The following MAP4K4 variants were observed in gnomAD, a reference collection of about 807,000 sequenced individuals.
MAP4K4 encodes mitogen-activated protein kinase kinase kinase kinase 4.
A neutral mutation model predicts 189.6 loss-of-function variants in MAP4K4; 38 were observed. The observed-to-expected ratio is 0.20, with a 90% confidence interval of 0.15 to 0.26. The LOEUF (loss-of-function observed/expected upper bound fraction) is 0.26, where lower values mean the gene tolerates loss of function less well. MAP4K4 is among the 10% of genes least tolerant of loss of function. The pLI is 1.00. For synonymous variants in MAP4K4, 610 were observed against 624.3 expected (o/e 0.98, Z 0.34); for missense variants, 1,054 against 1,726.9 (o/e 0.61, Z 6.91).
At chr2:101,828,148 A>G (rs560146718) in intron 5 of MAP4K4, among the ~76,000 whole-genome samples, 3 of 152,352 alleles carry the variant, frequency 2.0e-5, no homozygotes, top group South Asian at 2.1e-4. Flanking sequence ...TGTTCCATAC[A>G]TTTACTGCTA....
chr2:101,730,987 A>G (rs1485237104), intron 2 of MAP4K4, among the ~76,000 whole-genome samples: 1 of 150,530 alleles, frequency 6.6e-6, no homozygotes, highest in Non-Finnish European at 1.5e-5. Context: ...CGGAGCTTGC[A>G]GTGAGCTGAG....
intron 9 of MAP4K4, among the ~76,000 whole-genome samples, chr2:101,836,410 C>G (rs1248518279): frequency 6.6e-6 from 1 of 152,024 alleles, no homozygotes; most frequent in Non-Finnish European, 1.5e-5. Flanking sequence ...CATGGAGAAA[C>G]CCCGTCTCTA....
chr2:101,860,045 T>C (rs2097590122), intron 15 of MAP4K4, 181 bp downstream of exon 15: 1 of 651,296 alleles, frequency 1.5e-6, no homozygotes, highest in African/African-American at 1.8e-5. Flanking sequence ...GGTTTCATAT[T>C]CAGTCAGTGC....
intron 2 of MAP4K4, among the ~76,000 whole-genome samples, chr2:101,701,743 A>G (rs2149148341): frequency 6.6e-6 from 1 of 152,332 alleles, no homozygotes; most frequent in Non-Finnish European, 1.5e-5. Flanking sequence ...TCTCTTCACA[A>G]GGTTACATTC....
chr2:101,868,285 A>G (rs10205230), intron 21 of MAP4K4, among the ~76,000 whole-genome samples: 5,139 of 152,328 alleles, frequency 0.034, 296 homozygotes, highest in African/African-American at 0.12. Flanking sequence ...TACTAATAGC[A>G]AGACTCAGAG....
At chr2:101,807,917 C>T (rs570643880) in intron 3 of MAP4K4, among the ~76,000 whole-genome samples, 32 of 152,318 alleles carry the variant, frequency 2.1e-4, no homozygotes, top group South Asian at 1.0e-3. Context: ...CTAAACCATC[C>T]GTGAGAAACC....
At chr2:101,864,964 T>C in exon 18 of MAP4K4, 1 of 1,579,294 alleles carries the variant, frequency 6.3e-7, no homozygotes, top group East Asian at 2.3e-5. Flanking sequence ...TCCCCTGTTC[T>C]GTCCCGTCGA....
chr2:101,851,618 T>A (rs1037250054), intron 12 of MAP4K4, among the ~76,000 whole-genome samples: 5 of 152,142 alleles, frequency 3.3e-5, no homozygotes, highest in Non-Finnish European at 7.4e-5. Context: ...GGGCCTATTC[T>A]GAATGTAGTG....
chr2:101,724,225 C>G (rs867722644), intron 2 of MAP4K4, among the ~76,000 whole-genome samples: 1 of 152,158 alleles, frequency 6.6e-6, no homozygotes, highest in South Asian at 2.1e-4. Flanking sequence ...CACTTGCTTG[C>G]CAGGTTCTGG....
At chr2:101,735,989 C>T (rs10204914) in intron 2 of MAP4K4, among the ~76,000 whole-genome samples, 3,044 of 152,130 alleles carry the variant, frequency 0.02, 114 homozygotes, top group African/African-American at 0.069. Context: ...TGGTGTTTTC[C>T]CTGTTAAACT....
At chr2:101,840,189 G>T (rs956003386) in intron 10 of MAP4K4, among the ~76,000 whole-genome samples, 195 bp downstream of exon 10, 1 of 152,110 alleles carries the variant, frequency 6.6e-6, no homozygotes, top group African/African-American at 2.4e-5. Context: ...GCTTTGTGTT[G>T]TGTCACCAAG....
At chr2:101,808,253 C>T (rs2095139063) in intron 3 of MAP4K4, among the ~76,000 whole-genome samples, 1 of 152,092 alleles carries the variant, frequency 6.6e-6, no homozygotes, top group African/African-American at 2.4e-5. Flanking sequence ...GCAGCTTGTG[C>T]CCAGGGCCCT....
intron 27 of MAP4K4, among the ~76,000 whole-genome samples, chr2:101,881,318 A>G (rs778072127): frequency 2.0e-5 from 3 of 152,142 alleles, no homozygotes; most frequent in Non-Finnish European, 4.4e-5. Flanking sequence ...ACTCACTTTT[A>G]TTTTATTAGG....
At chr2:101,710,853 T>G (rs1337883123) in intron 2 of MAP4K4, among the ~76,000 whole-genome samples, 1 of 152,210 alleles carries the variant, frequency 6.6e-6, no homozygotes, top group African/African-American at 2.4e-5. Context: ...AATACTACTT[T>G]GAATAAAGAT....
At chr2:101,893,083 G>A (rs2098593261) in exon 33 of MAP4K4, 3 of 456,290 alleles carry the variant, frequency 6.6e-6, no homozygotes, top group South Asian at 3.1e-5. Flanking sequence ...GCAGCCATTT[G>A]TACCTGTTTG....
exon 17 of MAP4K4, chr2:101,863,882 C>A: frequency 7.3e-7 from 1 of 1,367,708 alleles, no homozygotes; most frequent in Non-Finnish European, 9.8e-7. Context: ...CGATCCCATT[C>A]CTTCAGTGAC....
intron 2 of MAP4K4, among the ~76,000 whole-genome samples, chr2:101,714,173 A>C (rs1304710393): frequency 6.6e-6 from 1 of 152,208 alleles, no homozygotes; most frequent in African/African-American, 2.4e-5. Context: ...GGTTTAGTTT[A>C]ATAGTTGTTA....
intron 32 of MAP4K4, among the ~76,000 whole-genome samples, chr2:101,890,776 T>A (rs183155941): frequency 9.2e-5 from 14 of 151,868 alleles, no homozygotes; most frequent in African/African-American, 2.7e-4. Flanking sequence ...TTATTTATTT[T>A]TTGAGACAGA....
rs562558187 is a variant in MAP4K4, at chr2:101,830,475, C to G, written c.508+881C>G. On this transcript the variant is annotated intron_variant, in intron 6 of 32. Coordinates refer to ENST00000324219, the Ensembl canonical transcript of MAP4K4. ...AATAGAGTTTGTATTAATTTTTCTTCCACTAACACATCACAACAAAATTCT... is the reference window on the plus strand; with the variant it reads ...AATAGAGTTTGTATTAATTTTTCTTGCACTAACACATCACAACAAAATTCT... Among the ~76,000 whole-genome samples the G allele has an allele frequency of 2.0e-5, 3 of 152,268 alleles. No individual in the cohort carries two copies. The East Asian group carries it at 5.8e-4, about 29-fold the overall frequency.
Sources: gnomAD v4.1 joint callset for allele counts (sites outside exome capture counted in the v4.1 genomes callset) on GRCh38, gnomAD v4.1.1 for gene constraint, MANE v1.5 for transcripts, NCBI Gene and HGNC (gene_info 2026-07-23, HGNC 2026-07-21) for gene names.